GFRA1: variants seen among roughly 807,000 people sequenced by gnomAD.
The protein encoded by GFRA1 is GDNF family receptor alpha 1.
A neutral mutation model predicts 51.6 loss-of-function variants in GFRA1; 16 were observed. The observed-to-expected ratio is 0.31, with a 90% CI of 0.21 to 0.47. The LOEUF (loss-of-function observed/expected upper bound fraction) is 0.47. GFRA1 is among the 20% of genes least tolerant of loss of function. The probability of loss-of-function intolerance (pLI) is 1.00; values close to 1 mark genes in which losing one functional copy is unlikely to be tolerated. For synonymous variants in GFRA1, 270 were observed against 241.3 expected, an observed-to-expected ratio of 1.12 and a Z score of -1.10; for missense variants, 530 against 594.3, an observed-to-expected ratio of 0.89 and a Z score of 1.13.
chr10:116,181,619 T>C (rs1158103510), intron 5 of GFRA1, among the ~76,000 whole-genome samples: 1 of 123,046 alleles, frequency 8.1e-6, no homozygotes, highest in Non-Finnish European at 1.8e-5. Flanking sequence ...TACACAAAAA[T>C]ATGAGGTTTT....
chr10:116,232,055 A>C (rs544168496), intron 4 of GFRA1, among the ~76,000 whole-genome samples: 1 of 152,192 alleles, frequency 6.6e-6, no homozygotes, highest in African/African-American at 2.4e-5. Flanking sequence ...TTCTTCCTCA[A>C]TGGCTTACAT....
intron 5 of GFRA1, among the ~76,000 whole-genome samples, chr10:116,143,914 G>A (rs1482424784): frequency 6.6e-6 from 1 of 152,142 alleles, no homozygotes; most frequent in Admixed American, 6.5e-5. Flanking sequence ...GCTAAAAGAG[G>A]TGTGCTGGCC....
At chr10:116,172,800 C>T (rs1326146598) in intron 5 of GFRA1, among the ~76,000 whole-genome samples, 1 of 152,160 alleles carries the variant, frequency 6.6e-6, no homozygotes, top group Non-Finnish European at 1.5e-5. Flanking sequence ...CCTGAGGGTG[C>T]CCACGCCCCA....
intron 5 of GFRA1, among the ~76,000 whole-genome samples, chr10:116,197,634 CA>C (rs1963994314): frequency 6.6e-6 from 1 of 152,096 alleles, no homozygotes; most frequent in Non-Finnish European, 1.5e-5. Flanking sequence ...ACCCTATTTC[CA>C]AATGAGGTCA....
intron 4 of GFRA1, among the ~76,000 whole-genome samples, chr10:116,228,013 T>G (rs1966421724): frequency 6.6e-6 from 1 of 152,230 alleles, no homozygotes. Flanking sequence ...GGAGCCAGTT[T>G]GTGGCTTGAG....
At chr10:116,178,398 T>C (rs1341748147) in intron 5 of GFRA1, among the ~76,000 whole-genome samples, 3 of 152,184 alleles carry the variant, frequency 2.0e-5, no homozygotes. Context: ...GTTATTTGAA[T>C]GTCTCTTGGC....
intron 4 of GFRA1, among the ~76,000 whole-genome samples, chr10:116,228,731 C>CT (rs1966483076): frequency 6.6e-6 from 1 of 151,722 alleles, no homozygotes; most frequent in Non-Finnish European, 1.5e-5. Context: ...GCCTGTAATC[C>CT]TAGCACTTTG....
At chr10:116,269,362 T>C in intron 4 of GFRA1, 141 bp downstream of exon 4, 1 of 707,192 alleles carries the variant, frequency 1.4e-6, no homozygotes, top group East Asian at 2.7e-5. Context: ...GCCTCTTCAT[T>C]ATCATCATCC....
At position 116,270,856 on chromosome 10, in the gene GFRA1, C is replaced by A. The variant is rs1843858369; in HGVS notation, c.300G>T (p.Leu100=). The change falls in exon 3 of 11, where the codon CTG becomes CTT. Residue 100 remains leucine (L), a synonymous_variant. Transcript: ENST00000355422. ...KRGMKKEKNC[L]RIYWSMYQSL... is the part of the protein sequence containing the mutation. ...TCTGGTACATGCTCCAGTAAATGCGCAGGCAGTTCTTCTCCTTCTTCATAC... is the reference window on the plus strand; with the variant it reads ...TCTGGTACATGCTCCAGTAAATGCGAAGGCAGTTCTTCTCCTTCTTCATAC... 1 of 1,613,768 alleles carries A rather than the reference C, an allele frequency of 6.2e-7. No homozygotes were observed. The highest frequency in any genetic ancestry group is 8.5e-7 in the Non-Finnish European group (1 of 1,180,032).
At chr10:116,165,416 A>T (rs572772942) in intron 5 of GFRA1, among the ~76,000 whole-genome samples, 1 of 146,186 alleles carries the variant, frequency 6.8e-6, no homozygotes, top group Non-Finnish European at 1.5e-5. Context: ...GGGCCAGGAT[A>T]TAACTCACAT....
rs111521702 is a variant in GFRA1 at position 116,078,149 on chromosome 10, A to G, written c.1197+11592T>C. 3.7e-3 allele frequency among the ~76,000 whole-genome samples: 568 copies of G among 152,230 alleles called. 2 individuals carry two copies. Among genetic ancestry groups the G allele is most frequent in the African/African-American group, 0.013 (543 of 41,522 alleles). ...TATACCCTGCATGTGTCCATTTCCA[A>G]TCGAGTTGAATACACAATTGAAAAT... On this transcript the variant is annotated intron_variant, in intron 9 of 10. Coordinates refer to ENST00000355422, the MANE Select transcript of GFRA1 (RefSeq NM_005264.8).
chr10:116,195,716 A>G (rs560838039), intron 5 of GFRA1, among the ~76,000 whole-genome samples: 6 of 152,206 alleles, frequency 3.9e-5, no homozygotes, highest in African/African-American at 1.2e-4. Flanking sequence ...ACTGATTGCT[A>G]TATCAGGGAA....
chr10:116,255,797 T>G, intron 4 of GFRA1: 4 of 1,236,994 alleles, frequency 3.2e-6, no homozygotes, highest in Non-Finnish European at 3.2e-6. Context: ...AGCTAGCACA[T>G]TCCCTGGCAC....
chr10:116,250,700 G>A (rs142821832), intron 4 of GFRA1, among the ~76,000 whole-genome samples: 3 of 152,268 alleles, frequency 2.0e-5, no homozygotes, highest in Non-Finnish European at 4.4e-5. Flanking sequence ...ACTTTTCTGG[G>A]TACAGTTCAT....
At chr10:116,157,858 T>C (rs1017679890) in intron 5 of GFRA1, among the ~76,000 whole-genome samples, 5 of 152,190 alleles carry the variant, frequency 3.3e-5, no homozygotes, top group East Asian at 1.9e-4. Context: ...CACTGTCCAA[T>C]TTTTTGTCCT....
At chr10:116,161,695 G>A (rs149528882) in intron 5 of GFRA1, among the ~76,000 whole-genome samples, 6 of 152,256 alleles carry the variant, frequency 3.9e-5, no homozygotes, top group East Asian at 1.9e-4. Flanking sequence ...CTTGCTTGCC[G>A]CCATGGAAGA....
intron 4 of GFRA1, among the ~76,000 whole-genome samples, chr10:116,232,616 G>T (rs1286117453): frequency 1.3e-5 from 2 of 152,110 alleles, no homozygotes; most frequent in Non-Finnish European, 2.9e-5. Context: ...ACCACATTCG[G>T]CATAGATAGA....
chr10:116,267,692 C>A (rs1969772246), intron 4 of GFRA1, among the ~76,000 whole-genome samples: 1 of 152,116 alleles, frequency 6.6e-6, no homozygotes, highest in African/African-American at 2.4e-5. Flanking sequence ...TGGCACCTAG[C>A]ACTCCACTGG....
chr10:116,110,755 G>A (rs942617479), intron 6 of GFRA1, among the ~76,000 whole-genome samples: 1 of 152,194 alleles, frequency 6.6e-6, no homozygotes, highest in Non-Finnish European at 1.5e-5. Flanking sequence ...GTAAGATGCT[G>A]TGTAAAAGGT....
Sources: gnomAD v4.1 joint callset for allele counts (sites outside exome capture counted in the v4.1 genomes callset) on GRCh38, gnomAD v4.1.1 for gene constraint, MANE v1.5 for transcripts, NCBI Gene and HGNC (gene_info 2026-07-23, HGNC 2026-07-21) for gene names.